PPP1R14D: variants seen among roughly 807,000 people sequenced by gnomAD.
PPP1R14D encodes the protein protein phosphatase 1 regulatory inhibitor subunit 14D.
PPP1R14D carries 14 observed loss-of-function variants against 17.1 expected under a neutral mutation model. The observed-to-expected ratio is 0.82, with a 90% CI of 0.54 to 1.28. The LOEUF is 1.28. Among genes scored for constraint, PPP1R14D ranks in the 50% most tolerant of loss-of-function variants. The pLI, the probability that PPP1R14D is intolerant of heterozygous loss-of-function variation, is 0.00. For synonymous variants in PPP1R14D, 67 were observed against 66.1 expected (o/e 1.01, Z -0.06); for missense variants, 173 against 179.2 (o/e 0.97, Z 0.20).
At chr15:40,816,761 C>G (rs924423965) in intron 1 of PPP1R14D, among the ~76,000 whole-genome samples, 1 of 151,748 alleles carries the variant, frequency 6.6e-6, no homozygotes, top group Admixed American at 6.6e-5. Flanking sequence ...TGTTAAGGGA[C>G]TGTTACCCAA....
intron 1 of PPP1R14D, among the ~76,000 whole-genome samples, chr15:40,820,193 C>G (rs968524790): frequency 7.8e-5 from 11 of 140,542 alleles, no homozygotes; most frequent in Non-Finnish European, 1.4e-4. Flanking sequence ...GGGTCTCGCT[C>G]TGTCACCCAG....
At chr15:40,816,886 A>G (rs994884202) in intron 1 of PPP1R14D, among the ~76,000 whole-genome samples, 1 of 151,968 alleles carries the variant, frequency 6.6e-6, no homozygotes, top group African/African-American at 2.4e-5. Flanking sequence ...AGCCTGGCCA[A>G]CATGGTGAAA....
chr15:40,828,593 C>T lies in PPP1R14D; in HGVS notation c.49G>A (p.Glu17Lys). The change falls in exon 1 of 4, where the codon GAG (glutamate) becomes AAG (lysine). Residue 17 changes from glutamate to lysine, a missense_variant. Coordinates refer to ENST00000299174, the MANE Select transcript of PPP1R14D (RefSeq NM_017726.8). ...CAGTGGACCTTCTTACATGGGTTCT[C>T]CCCATCTGGGCTGGGAGATGTGCAG... ...ASCTSPSPDG[E>K]NPCKKVHWAS... is the part of the protein sequence containing the mutation. 1 of 1,614,108 alleles carries T rather than the reference C, an allele frequency of 6.2e-7. No homozygotes were observed.
At chr15:40,827,083 A>G (rs1890880569) in intron 1 of PPP1R14D, among the ~76,000 whole-genome samples, 1 of 152,230 alleles carries the variant, frequency 6.6e-6, no homozygotes, top group South Asian at 2.1e-4. Context: ...AGGTCCTGGT[A>G]TTGGCACTCA....
Position 40,822,944 on chromosome 15 carries a change from G to A in PPP1R14D, c.255+5443C>T, listed in dbSNP as rs151072697. Among the ~76,000 whole-genome samples, 995 of 146,834 alleles carry A rather than the reference G, an allele frequency of 6.8e-3. 14 individuals are homozygous for A. Among genetic ancestry groups the A allele is most frequent in the African/African-American group, 0.024 (965 of 39,496 alleles). ...CTCTCAAGTAGCTGGGACTACAGGT[G>A]CACACCACCACATCCGGCTAATTTT... On this transcript the variant is annotated intron_variant, in intron 1 of 3. Transcript: ENST00000299174.
chr15:40,828,515 G>A lies in PPP1R14D; in HGVS notation c.127C>T (p.Pro43Ser). The change falls in exon 1 of 4, where the codon CCG (proline) becomes TCG (serine). Residue 43 changes from proline to serine, a missense_variant. Coordinates refer to ENST00000299174, the MANE Select transcript of PPP1R14D (RefSeq NM_017726.8). ...GACCTGGGTATCTTGGAGGAGTCCG[G>A]GTGGGACTTGGACTCTGAGTCTGTG... Reference protein sequence around the residue: ...SSTDSESKSHPDSSKIPRSRR... With the variant: ...SSTDSESKSHSDSSKIPRSRR... 1.9e-6 allele frequency: 3 copies of A among 1,614,172 alleles called. No individual in the cohort carries two copies. The highest frequency in any genetic ancestry group is 2.5e-6 in the Non-Finnish European group (3 of 1,180,038).
At chr15:40,821,137 T>C (rs1301145235) in intron 1 of PPP1R14D, among the ~76,000 whole-genome samples, 4 of 151,504 alleles carry the variant, frequency 2.6e-5, no homozygotes, top group African/African-American at 9.7e-5. Context: ...GGGTTCGAGA[T>C]CAGCCTGGCT....
In PPP1R14D at chr15:40,816,300, C is replaced by T. The variant is rs200945500; in HGVS notation, c.256-47G>A. ...CTCAGAGGGGCCTGACCAGCTGGTGCTGGAATGAAGGTTACTGTCAGGGAC... is the reference window on the plus strand; with the variant it reads ...CTCAGAGGGGCCTGACCAGCTGGTGTTGGAATGAAGGTTACTGTCAGGGAC... On this transcript the variant is annotated intron_variant, in intron 1 of 3. Coordinates refer to ENST00000299174, the MANE Select transcript of PPP1R14D (RefSeq NM_017726.8). The T allele has an allele frequency of 7.3e-6, 11 of 1,517,218 alleles. No homozygotes were observed. In the East Asian group the frequency reaches 1.1e-4, roughly 16 times the overall value. The allele number at this position is 1,517,218 out of a possible 1,614,324, so 94.0% of individuals were successfully genotyped here. A position where few individuals can be genotyped will look rare whatever the true frequency, so the allele number is the denominator to read the frequency against.
At chr15:40,820,081 G>A (rs1890747361) in intron 1 of PPP1R14D, among the ~76,000 whole-genome samples, 1 of 151,868 alleles carries the variant, frequency 6.6e-6, no homozygotes, top group African/African-American at 2.4e-5. Context: ...GGTCAGGCTG[G>A]TCTCGAACTC....
At chr15:40,815,816 C>A in intron 3 of PPP1R14D, 55 bp from the exon 4 acceptor site, 1 of 1,491,316 alleles carries the variant, frequency 6.7e-7, no homozygotes, top group South Asian at 1.2e-5. Flanking sequence ...ACCCCCCACC[C>A]TGCCCTCCCT....
chr15:40,815,790 C>T (rs771725184), intron 3 of PPP1R14D, 29 bp from the exon 4 acceptor site: 14 of 1,579,520 alleles, frequency 8.9e-6, no homozygotes, highest in Non-Finnish European at 1.2e-5. Flanking sequence ...TGAGACCAGG[C>T]TTGGGGTCAC....
At chr15:40,818,197 G>C (rs1027850470) in intron 1 of PPP1R14D, among the ~76,000 whole-genome samples, 1 of 149,180 alleles carries the variant, frequency 6.7e-6, no homozygotes, top group Admixed American at 6.7e-5. Context: ...GCTGAGGCAG[G>C]AGAATGGTGT....
chr15:40,815,471 T>C lies in PPP1R14D; in HGVS notation c.*225A>G. 1 of 573,238 alleles carries C rather than the reference T, an allele frequency of 1.7e-6. No individual in the cohort carries two copies. The highest frequency in any genetic ancestry group is 3.1e-6 in the Non-Finnish European group (1 of 323,992). 35.5% of individuals were successfully genotyped at this position (573,238 alleles called of 1,614,324 possible). On this transcript the variant is annotated 3_prime_UTR_variant, in exon 4 of 4. Coordinates refer to ENST00000299174, the MANE Select transcript of PPP1R14D (RefSeq NM_017726.8). Reference sequence around the variant, plus strand: ...TGAGCTGGGGCTCCTAAAGGTTTTATCCACTTGGCTGCCAAGGAAGGCATT... The same window carrying C: ...TGAGCTGGGGCTCCTAAAGGTTTTACCCACTTGGCTGCCAAGGAAGGCATT...
At chr15:40,826,987 G>A (rs7180036) in intron 1 of PPP1R14D, among the ~76,000 whole-genome samples, 12,357 of 152,168 alleles carry the variant, frequency 0.081, 1,228 homozygotes, top group African/African-American at 0.24. Context: ...AGAAAGTGCC[G>A]TTTCCAGTAA....
intron 1 of PPP1R14D, among the ~76,000 whole-genome samples, chr15:40,818,954 C>T (rs796517379): frequency 4.6e-5 from 7 of 151,894 alleles, no homozygotes; most frequent in Non-Finnish European, 8.8e-5. Flanking sequence ...ACATATGTGG[C>T]GGCAGGGAGA....
intron 1 of PPP1R14D, among the ~76,000 whole-genome samples, chr15:40,826,312 A>G (rs2141989965): frequency 6.6e-6 from 1 of 152,266 alleles, no homozygotes; most frequent in East Asian, 1.9e-4. Flanking sequence ...CCTTACCCAC[A>G]GGAATTATAG....
intron 1 of PPP1R14D, among the ~76,000 whole-genome samples, chr15:40,823,287 T>C (rs1890814237): frequency 6.6e-6 from 1 of 151,792 alleles, no homozygotes; most frequent in African/African-American, 2.4e-5. Flanking sequence ...TAAAAATTTT[T>C]TTGTTGAGTG....
chr15:40,828,372 C>CTGT lies in PPP1R14D; in HGVS notation c.255+14_255+15insACA. The CTGT allele has an allele frequency of 6.4e-7, 1 of 1,566,750 alleles. No homozygotes were observed. On this transcript the variant is annotated intron_variant, in intron 1 of 3. Transcript: ENST00000299174. ...CAGGCCCCCATCTCCTCCCACTATC[C>CTGT]GCTGTGCTACCTACCTGGAAGAGCT... is the stretch of plus-strand genomic sequence containing the variant.
At chr15:40,816,761 C>T (rs924423965) in intron 1 of PPP1R14D, among the ~76,000 whole-genome samples, 1 of 151,748 alleles carries the variant, frequency 6.6e-6, no homozygotes, top group African/African-American at 2.4e-5. Flanking sequence ...TGTTAAGGGA[C>T]TGTTACCCAA....
Sources: gnomAD v4.1 joint callset for allele counts (sites outside exome capture counted in the v4.1 genomes callset) on GRCh38, gnomAD v4.1.1 for gene constraint, MANE v1.5 for transcripts, NCBI Gene and HGNC (gene_info 2026-07-23, HGNC 2026-07-21) for gene names.